Variants in ENOX1 observed in about 807,000 individuals in gnomAD.
ENOX1 encodes the protein candidate growth-related and time keeping constitutive hydroquinone (NADH) oxidase.
In ENOX1, 42 loss-of-function variants were observed where a neutral mutation model predicts 82.5. That is an observed-to-expected ratio of 0.51 (90% CI 0.40 to 0.66). ENOX1 has a LOEUF of 0.66. Ranked by LOEUF, ENOX1 falls within the 30% of genes least tolerant of loss-of-function variation. The pLI is 0.00. For synonymous variants in ENOX1, 271 were observed against 282.2 expected (o/e 0.96, Z 0.40); for missense variants, 608 against 811.6 (o/e 0.75, Z 3.05).
chr13:43,294,227 T>C (rs1566442832), intron 12 of ENOX1, among the ~76,000 whole-genome samples: 1 of 152,218 alleles, frequency 6.6e-6, no homozygotes, highest in Non-Finnish European at 1.5e-5. Flanking sequence ...TCATTAGTCA[T>C]ACGCACTTTT....
At chr13:43,637,436 A>T (rs938366335) in intron 2 of ENOX1, among the ~76,000 whole-genome samples, 9 of 152,148 alleles carry the variant, frequency 5.9e-5, no homozygotes, top group Non-Finnish European at 1.2e-4. Flanking sequence ...TGATACCAAA[A>T]ATTAAGGATA....
chr13:43,648,992 C>A (rs1034863803), intron 2 of ENOX1, among the ~76,000 whole-genome samples: 1 of 152,168 alleles, frequency 6.6e-6, no homozygotes, highest in South Asian at 2.1e-4. Flanking sequence ...AGTGCTAGAG[C>A]CTACGCAGAC....
At chr13:43,642,178 A>T (rs563350216) in intron 2 of ENOX1, among the ~76,000 whole-genome samples, 10 of 152,316 alleles carry the variant, frequency 6.6e-5, no homozygotes, top group Admixed American at 1.3e-4. Flanking sequence ...ACCATCCTAT[A>T]AGTAGTTCTT....
chr13:43,363,894 G>A (rs2050681249), intron 5 of ENOX1, among the ~76,000 whole-genome samples: 1 of 152,204 alleles, frequency 6.6e-6, no homozygotes. Context: ...TACAGCAAGA[G>A]TTGCTTTGCT....
At chr13:43,243,510 A>T (rs987341187) in intron 14 of ENOX1, among the ~76,000 whole-genome samples, 2 of 151,226 alleles carry the variant, frequency 1.3e-5, no homozygotes, top group Non-Finnish European at 3.0e-5. Context: ...CTGGTCTTGA[A>T]CTCCTGGCCT....
At chr13:43,439,365 C>T (rs553840808) in intron 3 of ENOX1, among the ~76,000 whole-genome samples, 4 of 152,086 alleles carry the variant, frequency 2.6e-5, no homozygotes, top group African/African-American at 9.6e-5. Context: ...CCACGCCTGG[C>T]TAATTTTTGT....
intron 2 of ENOX1, among the ~76,000 whole-genome samples, chr13:43,639,175 G>A (rs191196215): frequency 1.3e-4 from 20 of 152,232 alleles, no homozygotes; most frequent in African/African-American, 4.1e-4. Flanking sequence ...CATGGTGGGC[G>A]CCTGTAATCC....
rs191024880 is a variant in ENOX1 at position 43,345,709 on chromosome 13, C to T, written c.824-959G>A. Among the ~76,000 whole-genome samples, 691 of 152,262 alleles carry T rather than the reference C, an allele frequency of 4.5e-3. 3 individuals carry two copies. Among genetic ancestry groups the T allele is most frequent in the Admixed American group, 9.4e-3 (144 of 15,300 alleles). ...CTGCTGAAGGCTCATTGCCTACTTT[C>T]CAGGCAAACCTGAGGGGAGAAGCTT... On this transcript the variant is annotated intron_variant, in intron 8 of 16. Coordinates refer to ENST00000690772, the MANE Select transcript of ENOX1 (RefSeq NM_001347969.2).
chr13:43,711,076 C>T (rs1257470559), intron 1 of ENOX1, among the ~76,000 whole-genome samples: 9 of 115,990 alleles, frequency 7.8e-5, no homozygotes, highest in South Asian at 3.6e-4. Flanking sequence ...CCCCTCCCCC[C>T]ACCCCACAAC....
chr13:43,618,620 C>A (rs1392362322), intron 2 of ENOX1, among the ~76,000 whole-genome samples: 1 of 152,120 alleles, frequency 6.6e-6, no homozygotes, highest in Non-Finnish European at 1.5e-5. Flanking sequence ...TGTACCAGTA[C>A]AACACTGTTT....
intron 9 of ENOX1, among the ~76,000 whole-genome samples, chr13:43,328,066 T>C (rs781633708): frequency 1.3e-5 from 2 of 152,118 alleles, no homozygotes; most frequent in African/African-American, 2.4e-5. Context: ...TGTCTCATAC[T>C]CTCCTTGGGC....
chr13:43,576,246 G>C (rs2080416272), intron 2 of ENOX1, among the ~76,000 whole-genome samples: 1 of 152,174 alleles, frequency 6.6e-6, no homozygotes, highest in Admixed American at 6.5e-5. Context: ...CAAACTGGGA[G>C]GGGAGGGAAG....
chr13:43,438,493 T>C (rs1392406337), intron 3 of ENOX1, among the ~76,000 whole-genome samples: 1 of 152,178 alleles, frequency 6.6e-6, no homozygotes, highest in Non-Finnish European at 1.5e-5. Context: ...CTCAAAGGAA[T>C]TGTTGGATAA....
chr13:43,715,357 T>G (rs1296707526), intron 1 of ENOX1, among the ~76,000 whole-genome samples: 1 of 152,098 alleles, frequency 6.6e-6, no homozygotes, highest in Non-Finnish European at 1.5e-5. Context: ...TTTCCTTCAT[T>G]TCAACTTTGG....
intron 1 of ENOX1, among the ~76,000 whole-genome samples, chr13:43,712,822 T>G (rs1349085439): frequency 6.6e-6 from 1 of 151,656 alleles, no homozygotes; most frequent in African/African-American, 2.4e-5. Context: ...GCTGAGACAA[T>G]GGGGTTTTCT....
At chr13:43,326,739 T>A (rs2048137894) in intron 9 of ENOX1, among the ~76,000 whole-genome samples, 1 of 152,132 alleles carries the variant, frequency 6.6e-6, no homozygotes, top group African/African-American at 2.4e-5. Flanking sequence ...TAAAACAAAT[T>A]CTAAGTATGA....
chr13:43,679,694 A>G (rs2085690125), intron 1 of ENOX1, among the ~76,000 whole-genome samples: 2 of 152,186 alleles, frequency 1.3e-5, no homozygotes, highest in African/African-American at 4.8e-5. Flanking sequence ...CTTATATTCT[A>G]TGATCTAATA....
At chr13:43,262,072 A>C (rs2044102471) in intron 14 of ENOX1, among the ~76,000 whole-genome samples, 1 of 152,190 alleles carries the variant, frequency 6.6e-6, no homozygotes, top group Non-Finnish European at 1.5e-5. Context: ...AAAAGGTACA[A>C]AACTGAAGAC....
At chr13:43,445,965 C>T (rs993980676) in intron 3 of ENOX1, among the ~76,000 whole-genome samples, 2 of 152,122 alleles carry the variant, frequency 1.3e-5, no homozygotes, top group East Asian at 3.9e-4. Context: ...AAAGCTCCCA[C>T]GAGGAAAACA....
Sources: allele counts gnomAD v4.1 joint callset (sites outside exome capture counted in the v4.1 genomes callset), GRCh38; gene constraint gnomAD v4.1.1; transcripts MANE v1.5; gene names NCBI Gene and HGNC (gene_info 2026-07-23, HGNC 2026-07-21).